The following SERPINB1 variants were observed in gnomAD, a reference collection of about 807,000 sequenced individuals.
SERPINB1 encodes leukocyte elastase inhibitor.
In SERPINB1, 23 loss-of-function variants were observed where a neutral mutation model predicts 25.9. That is an observed-to-expected ratio of 0.89 (90% confidence interval 0.64 to 1.26). SERPINB1 has a LOEUF of 1.26. SERPINB1 is among the 50% of genes most tolerant of loss of function. SERPINB1 has a pLI of 0.00. For missense variants in SERPINB1, 399 were observed against 463.6 expected (o/e 0.86, Z 1.28); for synonymous variants, 178 against 178.7 (o/e 1.00, Z 0.03).
rs1451164272 is a variant in SERPINB1 at position 2,838,552 on chromosome 6, A to T, written c.303T>A (p.Leu101=). The T allele has an allele frequency of 1.1e-5, 17 of 1,595,986 alleles. No homozygotes were observed. The highest frequency in any genetic ancestry group is 1.4e-5 in the Non-Finnish European group (16 of 1,172,214). Residue 101 remains leucine, a synonymous_variant, in exon 3 of 7, where the codon CTT becomes CTA. Transcript: ENST00000380739. ...RLYGEKTYNF[L]PEFLVSTQKT... ...ATGTGAAGGGCAAAGTACTTACAGG[A>T]AGGAAATTGTAAGTTTTCTCTCCAT... is the stretch of plus-strand genomic sequence containing the variant.
At position 2,837,900 on chromosome 6, in the gene SERPINB1, C is replaced by T; in HGVS notation, c.406G>A (p.Val136Ile). 6.2e-7 allele frequency: 1 copy of T among 1,613,378 alleles called. No individual in the cohort carries two copies. The highest frequency in any genetic ancestry group is 8.5e-7 in the Non-Finnish European group (1 of 1,179,370). Reference protein sequence around the residue: ...EDARKTINQWVKGQTEGKIPE... With the variant: ...EDARKTINQWIKGQTEGKIPE... ...CTCTCACCTTCTGTCTGTCCTTTGA[C>T]CCACTGGTTTATGGTCTTCCTTGCA... The change falls in exon 4 of 7, where the codon GTC becomes ATC. Residue 136 changes from valine (V) to isoleucine (I), a missense_variant. Val to Ile is a conservative substitution (Grantham distance 29). Transcript: ENST00000380739. This position sits in a 1 kb window ranked among gnomAD's most constrained non-coding sequence, Gnocchi z 4.3.
At chr6:2,835,362 A>G (rs1407164997) in intron 6 of SERPINB1, among the ~76,000 whole-genome samples, 2 of 152,206 alleles carry the variant, frequency 1.3e-5, no homozygotes, top group African/African-American at 4.8e-5. Flanking sequence ...TATATGCTAC[A>G]CTATTTGGGG....
At position 2,833,791 on chromosome 6, in the gene SERPINB1, G is replaced by A. The variant is rs1488793240; in HGVS notation, c.957C>T (p.Val319=). Residue 319 remains valine (V), a synonymous_variant, in exon 7 of 7, where the codon GTC becomes GTT. Transcript: ENST00000380739. ...GARDIFISKI[V]HKSFVEVNEE... ...CATTCACTTCCACAAATGACTTGTG[G>A]ACAATTTTTGATATAAAAATATCTC... The A allele has an allele frequency of 7.4e-6, 12 of 1,613,966 alleles. No homozygotes were observed. In the Admixed American group the frequency reaches 1.8e-4, roughly 25 times the overall value.
At chr6:2,840,152 C>A (rs775728938) in intron 2 of SERPINB1, among the ~76,000 whole-genome samples, 11 of 152,082 alleles carry the variant, frequency 7.2e-5, no homozygotes, top group Admixed American at 3.3e-4. Context: ...ACAGAAGCCT[C>A]GCCCTGCAGG....
Position 2,835,917 on chromosome 6 carries a change from T to C in SERPINB1, c.674A>G (p.Glu225Gly). ...CGGCAGCAGGATGACCATGCTGAGC[T>C]CCTCGCCTTGGTAAGGCAGTTCCAG... The part of the protein sequence containing the change: ...RVLELPYQGE[E>G]LSMVILLPDD... The change falls in exon 6 of 7, where the codon GAG becomes GGG. Residue 225 changes from glutamate (E) to glycine (G), a missense_variant. Physicochemically the swap from Glu to Gly is moderately conservative, Grantham distance 98 (BLOSUM62 -2). Transcript: ENST00000380739. The C allele has an allele frequency of 6.2e-7, 1 of 1,614,192 alleles. No individual in the cohort carries two copies. The highest frequency in any genetic ancestry group is 8.5e-7 in the Non-Finnish European group (1 of 1,180,032).
intron 6 of SERPINB1, among the ~76,000 whole-genome samples, chr6:2,834,338 C>G (rs1581163414): frequency 7.3e-6 from 1 of 136,462 alleles, no homozygotes; most frequent in Admixed American, 7.5e-5. Context: ...CATCCATCCA[C>G]CCAGCTACCC....
In SERPINB1 at chr6:2,841,776, C is replaced by G. The variant is rs1561939363; in HGVS notation, c.-9+36G>C. 6.6e-6 allele frequency: 1 copy of G among 152,408 alleles called. No homozygotes were observed. The highest frequency in any genetic ancestry group is 2.4e-5 in the African/African-American group (1 of 41,426). The allele number at this position is 152,408 out of a possible 1,614,324, so 9.4% of individuals were successfully genotyped here. A position where few individuals can be genotyped will look rare whatever the true frequency, so the allele number is the denominator to read the frequency against. ...GAGGGAGCCTGGCCTCTCCCCGCGC[C>G]CGCCCCCGCGCCACCGCTCCGAGGC... On this transcript the variant is annotated intron_variant, in intron 1 of 6. Transcript: ENST00000380739. The surrounding 1 kb of genome is among the most constrained non-coding windows in gnomAD (Gnocchi z 4.5).
At chr6:2,834,545 C>G (rs530152371) in intron 6 of SERPINB1, among the ~76,000 whole-genome samples, 1 of 152,210 alleles carries the variant, frequency 6.6e-6, no homozygotes, top group African/African-American at 2.4e-5. Context: ...ATCCACCCAT[C>G]CACCCATCCA....
Position 2,833,964 on chromosome 6 carries a change from C to A in SERPINB1, c.784G>T (p.Glu262Ter), listed in dbSNP as rs1766414834. 1 of 1,612,692 alleles carries A rather than the reference C, an allele frequency of 6.2e-7. No individual in the cohort carries two copies. The highest frequency in any genetic ancestry group is 1.3e-5 in the African/African-American group (1 of 74,868). ...LEKLHEWTKP[E>*]NLDFIEVNVS... ...TTAACTTCAATGAAATCGAGATTCTCAGGTTTAGTCCACTCATGCAACTTT... is the reference window on the plus strand; with the variant it reads ...TTAACTTCAATGAAATCGAGATTCTAAGGTTTAGTCCACTCATGCAACTTT... Residue 262 changes from glutamate (E) to a stop codon, truncating the protein, a stop_gained, in exon 7 of 7, where the codon GAG becomes TAG. Transcript: ENST00000380739. LOFTEE classifies it low-confidence loss of function (END_TRUNC).
chr6:2,836,504 C>T (rs569548108), intron 4 of SERPINB1, among the ~76,000 whole-genome samples: 37 of 151,834 alleles, frequency 2.4e-4, no homozygotes, highest in African/African-American at 6.8e-4. Context: ...TCAAATGTGC[C>T]GAAAGACAAA....
intron 1 of SERPINB1, among the ~76,000 whole-genome samples, chr6:2,840,983 C>G (rs1214200705): frequency 6.6e-6 from 1 of 152,180 alleles, no homozygotes; most frequent in Non-Finnish European, 1.5e-5. Context: ...GCTTCTGAGC[C>G]TTTGATTCAA....
intron 6 of SERPINB1, among the ~76,000 whole-genome samples, chr6:2,834,241 G>A (rs1330279749): frequency 6.6e-6 from 1 of 151,848 alleles, no homozygotes; most frequent in Non-Finnish European, 1.5e-5. Flanking sequence ...TTGTACATTG[G>A]GTCCATCATC....
chr6:2,839,575 G>C (rs1766588028), intron 2 of SERPINB1: 5 of 772,292 alleles, frequency 6.5e-6, no homozygotes, highest in African/African-American at 1.9e-5. Context: ...TAGAAGTTTC[G>C]CAGCCCCTTG....
In SERPINB1 at chr6:2,835,874, C is replaced by G. The variant is rs757230816; in HGVS notation, c.717G>C (p.Glu239Asp). The change falls in exon 6 of 7, where the codon GAG (glutamate) becomes GAC (aspartate). Residue 239 changes from glutamate to aspartate, a missense_variant. By Grantham distance (45) the Glu-to-Asp change is conservative. Transcript: ENST00000380739. ...GCCATACCTTCTTCAGGCCCGTGGACTCGTCCTCAATGTCATCCGGCAGCA... is the reference window on the plus strand; with the variant it reads ...GCCATACCTTCTTCAGGCCCGTGGAGTCGTCCTCAATGTCATCCGGCAGCA... ...VILLPDDIED[E>D]STGLKKIEEQ... The G allele has an allele frequency of 6.2e-7, 1 of 1,613,964 alleles. No homozygotes were observed. The highest frequency in any genetic ancestry group is 2.2e-5 in the East Asian group (1 of 44,894).
At chr6:2,836,296 C>T in intron 4 of SERPINB1, 46 bp from the exon 5 acceptor site, 2 of 1,558,676 alleles carry the variant, frequency 1.3e-6, no homozygotes, top group South Asian at 1.2e-5. Context: ...AATCGGAATT[C>T]CAAATTTGAA....
At position 2,837,909 on chromosome 6, in the gene SERPINB1, T is replaced by C. The variant is rs1323994417; in HGVS notation, c.397A>G (p.Asn133Asp). The C allele has an allele frequency of 5.0e-6, 8 of 1,613,924 alleles. No individual in the cohort carries two copies. Among genetic ancestry groups the C allele is most frequent in the South Asian group, 1.1e-5 (1 of 91,090 alleles). Reference sequence around the variant, plus strand: ...TCTGTCTGTCCTTTGACCCACTGGTTTATGGTCTTCCTTGCATCTTCAGAG... The same window carrying C: ...TCTGTCTGTCCTTTGACCCACTGGTCTATGGTCTTCCTTGCATCTTCAGAG... ...HASEDARKTI[N>D]QWVKGQTEGK... Residue 133 changes from asparagine (N) to aspartate (D), a missense_variant, in exon 4 of 7, where the codon AAC (asparagine) becomes GAC (aspartate). Coordinates refer to ENST00000380739, the MANE Select transcript of SERPINB1 (RefSeq NM_030666.4). The surrounding 1 kb of genome is among the most constrained non-coding windows in gnomAD (Gnocchi z 4.3).
rs183228017 is a variant in SERPINB1, at chr6:2,841,431, G to C, written c.-9+381C>G. The C allele has an allele frequency of 1.3e-4, 20 of 152,866 alleles. No individual in the cohort carries two copies. The highest frequency in any genetic ancestry group is 4.8e-4 in the African/African-American group (20 of 41,604). 9.5% of individuals were successfully genotyped at this position (152,866 alleles called of 1,614,324 possible). On this transcript the variant is annotated intron_variant, in intron 1 of 6. Coordinates refer to ENST00000380739, the MANE Select transcript of SERPINB1 (RefSeq NM_030666.4). This position sits in a 1 kb window ranked among gnomAD's most constrained non-coding sequence, Gnocchi z 4.5. ...TCTCTCCCTGCAGCTGCAGATAGGA[G>C]CCGCGGCCTGGCCCTGGGCTGCCTG...
At position 2,833,267 on chromosome 6, in the gene SERPINB1, C is replaced by G. The variant is rs184811691; in HGVS notation, c.*341G>C. 5.3e-6 allele frequency: 1 copy of G among 187,504 alleles called. No individual in the cohort carries two copies. The highest frequency in any genetic ancestry group is 2.3e-5 in the African/African-American group (1 of 42,882). 11.6% of individuals were successfully genotyped at this position (187,504 alleles called of 1,614,324 possible). A position where few individuals can be genotyped will look rare whatever the true frequency, so the allele number is the denominator to read the frequency against. Reference sequence around the variant, plus strand: ...AAAATTCTAACTGCAAAATAAATGACCATCTTATCATGTTTTCCCATGGCT... The same window carrying G: ...AAAATTCTAACTGCAAAATAAATGAGCATCTTATCATGTTTTCCCATGGCT... On this transcript the variant is annotated 3_prime_UTR_variant, in exon 7 of 7. Transcript: ENST00000380739.
Position 2,840,469 on chromosome 6 carries a change from C to A in SERPINB1, c.118G>T (p.Ala40Ser). The change falls in exon 2 of 7, where the codon GCC (alanine) becomes TCC (serine). Residue 40 changes from alanine (A) to serine (S), a missense_variant. Transcript: ENST00000380739. The part of the protein sequence containing the change: ...ISPFSISSAM[A>S]MVFLGTRGNT... ...CCTCTGGTCCCCAGAAAAACCATGGCCATAGCAGATGAAATGCTGAAGGGA... is the reference window on the plus strand; with the variant it reads ...CCTCTGGTCCCCAGAAAAACCATGGACATAGCAGATGAAATGCTGAAGGGA... 6.2e-7 allele frequency: 1 copy of A among 1,614,150 alleles called. No individual in the cohort carries two copies. The highest frequency in any genetic ancestry group is 1.6e-4 in the Middle Eastern group (1 of 6,062).
Sources: gnomAD v4.1 joint callset for allele counts (sites outside exome capture counted in the v4.1 genomes callset) on GRCh38, gnomAD v4.1.1 for gene constraint, Gnocchi (gnomAD v3.1) non-coding constraint, MANE v1.5 for transcripts, NCBI Gene and HGNC (gene_info 2026-07-23, HGNC 2026-07-21) for gene names.